The following SEMA3D variants were observed in gnomAD, a reference collection of about 807,000 sequenced individuals.
SEMA3D encodes the protein semaphorin-3D.
Under a neutral mutation model 100.1 loss-of-function variants are expected in SEMA3D, and 84 were observed. That is an observed-to-expected ratio of 0.84 (90% confidence interval 0.70 to 1.01). SEMA3D has a LOEUF of 1.01. Ranked by LOEUF, SEMA3D falls within the 50% of genes least tolerant of loss-of-function variation. The probability of loss-of-function intolerance (pLI) is 0.00; values close to 1 mark genes in which losing one functional copy is unlikely to be tolerated. For synonymous variants in SEMA3D, 312 were observed against 320.7 expected (o/e 0.97, Z 0.29); for missense variants, 875 against 934.1 (o/e 0.94, Z 0.82).
chr7:85,042,172 A>T lies in SEMA3D; in HGVS notation c.975T>A (p.Leu325=). 1 of 1,598,776 alleles carries T rather than the reference A, an allele frequency of 6.3e-7. No individual in the cohort carries two copies. The change falls in exon 10 of 19, where the codon CTT becomes CTA. Residue 325 remains leucine (L), a splice_region_variant and synonymous_variant. Transcript: ENST00000284136. ...GAAAGAAGGAAAGAAGGAACTTACG[A>T]AGCTCATCAAAGTAAGTATCTGCCC... ...SDGADTYFDE[L]QDIYLLPTRD... is the part of the protein sequence containing the mutation.
intron 4 of SEMA3D, among the ~76,000 whole-genome samples, chr7:85,094,314 T>C (rs1379507558): frequency 6.6e-6 from 1 of 151,984 alleles, no homozygotes; most frequent in Non-Finnish European, 1.5e-5. Flanking sequence ...GTGAGATACA[T>C]TCAGACTTTT....
At chr7:85,162,718 A>C (rs975966211) in intron 1 of SEMA3D, among the ~76,000 whole-genome samples, 2 of 152,132 alleles carry the variant, frequency 1.3e-5, no homozygotes, top group South Asian at 2.1e-4. Flanking sequence ...GTGGAAAAAG[A>C]CTGGAAGCTC....
At chr7:85,139,170 C>T (rs1203776120) in intron 2 of SEMA3D, among the ~76,000 whole-genome samples, 3 of 151,948 alleles carry the variant, frequency 2.0e-5, no homozygotes, top group Non-Finnish European at 4.4e-5. Flanking sequence ...GAACCAGCAA[C>T]TGAGACTGGT....
Position 85,108,838 on chromosome 7 carries a change from C to G in SEMA3D, c.152-10873G>C, listed in dbSNP as rs183444433. Among the ~76,000 whole-genome samples, 41 of 151,948 alleles carry G rather than the reference C, an allele frequency of 2.7e-4. 1 individual carries two copies. Among genetic ancestry groups the G allele is most frequent in the South Asian group, 1.9e-3 (9 of 4,822 alleles). On this transcript the variant is annotated intron_variant, in intron 3 of 18. Coordinates refer to ENST00000284136, the MANE Select transcript of SEMA3D (RefSeq NM_001384900.1). The stretch of plus-strand genomic sequence containing the variant: ...TTATTCCTTAATTGCTAGAAGTGAT[C>G]AATGACCTGTTTAGTTTAAACCAAT...
chr7:85,197,319 A>G, the SEMA3D span, among the ~76,000 whole-genome samples: 3 of 152,336 alleles, frequency 2.0e-5, no homozygotes, highest in South Asian at 4.1e-4. Context: ...GGCAGCCACT[A>G]TAAGACTTCA....
chr7:85,088,376 A>G (rs1788285238), intron 4 of SEMA3D, among the ~76,000 whole-genome samples: 2 of 152,332 alleles, frequency 1.3e-5, no homozygotes, highest in Non-Finnish European at 2.9e-5. Context: ...CCCTCAGCCT[A>G]ATTCAGAGAT....
intron 5 of SEMA3D, among the ~76,000 whole-genome samples, chr7:85,075,424 TAA>T (rs113310937): frequency 2.1e-5 from 3 of 141,586 alleles, no homozygotes; most frequent in African/African-American, 5.1e-5. Flanking sequence ...TGGTGATTAT[TAA>T]AAAAAAAAAA....
chr7:85,120,429 A>C (rs113533441), intron 3 of SEMA3D, among the ~76,000 whole-genome samples: 3,312 of 152,138 alleles, frequency 0.022, 110 homozygotes, highest in African/African-American at 0.075. Context: ...GCACTTTGGG[A>C]GGCTGAGGTG....
intron 3 of SEMA3D, 136 bp from the exon 4 acceptor site, chr7:85,098,101 AAG>A: frequency 3.5e-6 from 2 of 564,550 alleles, no homozygotes; most frequent in Non-Finnish European, 5.8e-6. Context: ...AAAAGAAAGA[AAG>A]AAAGAGAAAG....
In SEMA3D at chr7:85,014,663, A is replaced by G. The variant is rs1584524468; in HGVS notation, c.1703+396T>C. 2.0e-5 allele frequency among the ~76,000 whole-genome samples: 3 copies of G among 151,802 alleles called. 1 individual carries two copies. In the South Asian group the frequency reaches 6.2e-4, roughly 31 times the overall value. ...GTTTCATACAATCTGTGCTTGTACAATCATATATATTTATATATTATTTGC... is the reference window on the plus strand; with the variant it reads ...GTTTCATACAATCTGTGCTTGTACAGTCATATATATTTATATATTATTTGC... On this transcript the variant is annotated intron_variant, in intron 16 of 18. Transcript: ENST00000284136.
chr7:85,130,273 T>C (rs1170938374), intron 2 of SEMA3D, among the ~76,000 whole-genome samples: 1 of 152,148 alleles, frequency 6.6e-6, no homozygotes, highest in Non-Finnish European at 1.5e-5. Flanking sequence ...TGATGACTTA[T>C]GCAATCAAAA....
At chr7:85,126,173 T>C (rs1034919259) in intron 2 of SEMA3D, among the ~76,000 whole-genome samples, 3 of 152,084 alleles carry the variant, frequency 2.0e-5, no homozygotes, top group Non-Finnish European at 4.4e-5. Flanking sequence ...TAAAATTTAT[T>C]TGAGGAGCAA....
At chr7:85,226,182 C>G in the SEMA3D span, among the ~76,000 whole-genome samples, 1 of 152,084 alleles carries the variant, frequency 6.6e-6, no homozygotes, top group Admixed American at 6.6e-5. Flanking sequence ...TGTAAATAGT[C>G]TTTACCAGCT....
At chr7:85,242,091 A>G in the SEMA3D span, among the ~76,000 whole-genome samples, 2 of 152,074 alleles carry the variant, frequency 1.3e-5, no homozygotes, top group African/African-American at 4.8e-5. Context: ...TAATCTGACA[A>G]GCAAGTAATC....
At chr7:85,078,327 G>A (rs1787946403) in intron 5 of SEMA3D, among the ~76,000 whole-genome samples, 1 of 151,812 alleles carries the variant, frequency 6.6e-6, no homozygotes, top group African/African-American at 2.4e-5. Context: ...AAAGAAGGAA[G>A]GAGGGAAGGA....
At chr7:85,105,664 T>C (rs1315919601) in intron 3 of SEMA3D, among the ~76,000 whole-genome samples, 1 of 152,130 alleles carries the variant, frequency 6.6e-6, no homozygotes, top group Non-Finnish European at 1.5e-5. Flanking sequence ...AACCATTATT[T>C]CCTTGCAAAT....
the SEMA3D span, among the ~76,000 whole-genome samples, chr7:85,203,381 A>C: frequency 6.6e-6 from 1 of 152,222 alleles, no homozygotes; most frequent in Non-Finnish European, 1.5e-5. Flanking sequence ...TTTTGAATAC[A>C]AAAATAATAT....
chr7:84,999,471 A>C lies in SEMA3D; in HGVS notation c.2303T>G (p.Leu768Arg). Residue 768 changes from leucine (L) to arginine (R), a missense_variant, in exon 19 of 19, where the codon CTG becomes CGG. By Grantham distance (102) the Leu-to-Arg change is moderately radical. Transcript: ENST00000284136. ...GGCTACAGCTCTAGGGAGCTCATCC[A>C]GGTCTCTGTGATGTCTTCGATTTCG... is the stretch of plus-strand genomic sequence containing the variant. The part of the protein sequence containing the change: ...KKRNRRHHRD[L>R]DELPRAVAT The C allele has an allele frequency of 6.2e-7, 1 of 1,614,030 alleles. No homozygotes were observed. Among genetic ancestry groups the C allele is most frequent in the Admixed American group, 1.7e-5 (1 of 59,988 alleles).
chr7:85,150,464 A>G (rs1277221848), intron 2 of SEMA3D, among the ~76,000 whole-genome samples: 1 of 138,164 alleles, frequency 7.2e-6, no homozygotes, highest in Non-Finnish European at 1.6e-5. Flanking sequence ...ACACACACAT[A>G]TATTTACAGG....
Sources: allele counts gnomAD v4.1 joint callset (sites outside exome capture counted in the v4.1 genomes callset), GRCh38; gene constraint gnomAD v4.1.1; transcripts MANE v1.5; gene names NCBI Gene and HGNC (gene_info 2026-07-23, HGNC 2026-07-21).